The following POMGNT1 variants were observed in gnomAD, a reference collection of about 807,000 sequenced individuals.
POMGNT1 encodes the protein protein O-linked mannose N-acetylglucosaminyltransferase 1 (beta 1,2-), also known as protein O-linked-mannose beta-1,2-N-acetylglucosaminyltransferase 1.
POMGNT1 carries 67 observed loss-of-function variants against 95.6 expected under a neutral mutation model. That is an observed-to-expected ratio of 0.70 (90% CI 0.58 to 0.86). POMGNT1 has a LOEUF of 0.86. Ranked by LOEUF, POMGNT1 falls within the 40% of genes least tolerant of loss-of-function variation. The probability of loss-of-function intolerance (pLI) is 0.00; values close to 1 mark genes in which losing one functional copy is unlikely to be tolerated. For synonymous variants in POMGNT1, 298 were observed against 317.9 expected, an observed-to-expected ratio of 0.94 and a Z score of 0.66; for missense variants, 719 against 855.2, an observed-to-expected ratio of 0.84 and a Z score of 1.99.
At chr1:46,195,528 CT>C (rs1162953813) in intron 6 of POMGNT1, 18 of 481,358 alleles carry the variant, frequency 3.7e-5, no homozygotes, top group Non-Finnish European at 6.1e-5. Flanking sequence ...ATTTACTTGG[CT>C]GTTTCTGTTG....
intron 6 of POMGNT1, 126 bp from the exon 7 acceptor site, chr1:46,195,087 A>C: frequency 4.8e-6 from 4 of 830,794 alleles, no homozygotes; most frequent in Non-Finnish European, 8.3e-6. Context: ...ATAACCCTCT[A>C]TGGTTACTCT....
At chr1:46,207,267 G>A (rs1658745719) in intron 1 of POMGNT1, among the ~76,000 whole-genome samples, 1 of 152,026 alleles carries the variant, frequency 6.6e-6, no homozygotes, top group South Asian at 2.1e-4. Context: ...TTTTAGTAGA[G>A]ACGGGATTTT....
upstream of POMGNT1, among the ~76,000 whole-genome samples, chr1:46,202,209 G>GCAA (rs1351191727): frequency 6.6e-6 from 1 of 151,666 alleles, no homozygotes; most frequent in Non-Finnish European, 1.5e-5. Context: ...AAATCCTTCT[G>GCAA]CAACCATGGG....
At chr1:46,202,102 C>T (rs1381867630), upstream of POMGNT1, among the ~76,000 whole-genome samples, 1 of 144,986 alleles carries the variant, frequency 6.9e-6, no homozygotes, top group Non-Finnish European at 1.5e-5. Flanking sequence ...GGTATGAACA[C>T]CAAAAGAAAA....
upstream of POMGNT1, among the ~76,000 whole-genome samples, chr1:46,202,125 AGTT>A (rs1458248759): frequency 6.7e-6 from 1 of 150,336 alleles, no homozygotes; most frequent in Admixed American, 6.6e-5. Flanking sequence ...AAAAACTAAA[AGTT>A]ATTTTTTGCC....
rs193919336 is a variant in POMGNT1, at chr1:46,193,873, C to T, written c.932G>A (p.Arg311Gln). ...GGCTTACCTGTACAGGTAATTGGGT[C>T]GGTTCCCTGCAATGACAGCCACAGG... Reference protein sequence around the residue: ...NVPVAVIAGNRPNYLYRMLRS... With the variant: ...NVPVAVIAGNQPNYLYRMLRS... Residue 311 changes from arginine to glutamine, a missense_variant, in exon 10 of 22, where the codon CGA becomes CAA. Coordinates refer to ENST00000371984, the MANE Select transcript of POMGNT1 (RefSeq NM_017739.4). 4.2e-5 allele frequency: 68 copies of T among 1,613,964 alleles called. No individual in the cohort carries two copies. The highest frequency in any genetic ancestry group is 5.1e-5 in the Non-Finnish European group (60 of 1,180,008).
At chr1:46,219,588 T>G in intron 1 of POMGNT1, 1 of 1,197,278 alleles carries the variant, frequency 8.4e-7, no homozygotes, top group Non-Finnish European at 1.2e-6. Context: ...TATAATTCCA[T>G]CCGTCTTAAA....
chr1:46,219,209 C>T (rs1019652322), intron 1 of POMGNT1, among the ~76,000 whole-genome samples: 2 of 151,824 alleles, frequency 1.3e-5, no homozygotes, highest in Non-Finnish European at 2.9e-5. Context: ...GCAGGAGAAT[C>T]GCTTGAACCC....
At chr1:46,199,988 G>T (rs996547187), upstream of POMGNT1, among the ~76,000 whole-genome samples, 1 of 151,984 alleles carries the variant, frequency 6.6e-6, no homozygotes, top group Non-Finnish European at 1.5e-5. Flanking sequence ...TGCCCAACGC[G>T]GTGAAACCCC....
upstream of POMGNT1, among the ~76,000 whole-genome samples, chr1:46,202,920 GGTGTGTGT>G (rs10689850): frequency 1.6e-5 from 1 of 64,516 alleles, no homozygotes; most frequent in Non-Finnish European, 2.9e-5. Flanking sequence ...GGGGGGGGGT[GGTGTGTGT>G]GTGTGTGTGT....
chr1:46,192,728 CCATT>C, intron 14 of POMGNT1, 138 bp from the exon 15 acceptor site: 1 of 1,595,850 alleles, frequency 6.3e-7, no homozygotes, highest in Non-Finnish European at 8.5e-7. Context: ...CCCACTGTCT[CCATT>C]CATCCACTGT....
intron 1 of POMGNT1, among the ~76,000 whole-genome samples, chr1:46,216,969 T>G (rs1659089855): frequency 6.6e-6 from 1 of 152,254 alleles, no homozygotes; most frequent in Non-Finnish European, 1.5e-5. Context: ...AGGACATGAT[T>G]TCATTATATC....
intron 1 of POMGNT1, among the ~76,000 whole-genome samples, chr1:46,213,701 C>T (rs983736124): frequency 1.1e-4 from 16 of 152,186 alleles, no homozygotes; most frequent in African/African-American, 2.9e-4. Context: ...GCCTGGACAA[C>T]GTAGCGAGAC....
intron 11 of POMGNT1, 52 bp from the exon 12 acceptor site, chr1:46,193,440 C>T: frequency 6.2e-7 from 1 of 1,604,936 alleles, no homozygotes; most frequent in East Asian, 2.2e-5. Flanking sequence ...CCTCTGCCCA[C>T]CTCTGCAATC....
In POMGNT1 at chr1:46,214,501, A is replaced by T. The variant is rs769076008; in HGVS notation, c.-51+5204T>A. 2.6e-4 allele frequency among the ~76,000 whole-genome samples: 40 copies of T among 152,342 alleles called. 1 individual carries two copies. In the Middle Eastern group the frequency reaches 0.034, roughly 130 times the overall value. ...AAAACAAGAAGGTGTAAAAAGGTAA[A>T]CATTCAGAGAACTAGAAACAGCACT... On this transcript the variant is annotated intron_variant, in intron 1 of 22. Transcript: ENST00000371992.
chr1:46,209,456 C>A (rs1239166511), intron 1 of POMGNT1, among the ~76,000 whole-genome samples: 1 of 152,020 alleles, frequency 6.6e-6, no homozygotes, highest in East Asian at 1.9e-4. Context: ...ATTCTAAGAT[C>A]CCCTCCCTAA....
At position 46,189,229 on chromosome 1, in the gene POMGNT1, G is replaced by A; in HGVS notation, c.*41C>T. The A allele has an allele frequency of 6.3e-7, 1 of 1,595,210 alleles. No homozygotes were observed. The highest frequency in any genetic ancestry group is 8.5e-7 in the Non-Finnish European group (1 of 1,172,692). On this transcript the variant is annotated 3_prime_UTR_variant, in exon 22 of 22. Coordinates refer to ENST00000371984, the MANE Select transcript of POMGNT1 (RefSeq NM_017739.4). ...TGGAGGGAAGGGCTAGCCAGCCTGG[G>A]GGTACACAGTACCCAGCCCCGCAGG... is the stretch of plus-strand genomic sequence containing the variant.
In POMGNT1 at chr1:46,192,163, T is replaced by G. The variant is rs774272750; in HGVS notation, c.1474A>C (p.Ile492Leu). The change falls in exon 17 of 22, where the codon ATC (isoleucine) becomes CTC (leucine). Residue 492 changes from isoleucine to leucine, a missense_variant. This residue lies in a region of POMGNT1 where 118 missense variants were observed against 153.6 expected (regional missense o/e 0.77). Coordinates refer to ENST00000371984, the MANE Select transcript of POMGNT1 (RefSeq NM_017739.4). ...PEQRRGRECI[I>L]PDVSRSYHFG... ...TGGTAGGATCGGGAAACGTCAGGGA[T>G]GATGCACTCTCGGCCCCGGCGTTGT... 1.4e-5 allele frequency: 23 copies of G among 1,614,048 alleles called. No individual in the cohort carries two copies. The highest frequency in any genetic ancestry group is 1.9e-5 in the Non-Finnish European group (23 of 1,180,022).
chr1:46,207,084 A>ATTT lies in POMGNT1; in HGVS notation c.-50-9216_-50-9214dup, dbSNP rs56059506. Among the ~76,000 whole-genome samples, 80 of 143,986 alleles carry ATTT rather than the reference A, an allele frequency of 5.6e-4. 2 individuals carry two copies. The South Asian group carries it at 0.017, about 30-fold the overall frequency. The allele number at this position is 143,986 out of a possible 152,430, so 94.5% of individuals were successfully genotyped here. ...CCTCTTTGTCTGGCTGAGTCCTTCT[A>ATTT]TTTTTTTTTTTTTGACACAGGGTTT... is the stretch of plus-strand genomic sequence containing the variant. On this transcript the variant is annotated intron_variant, in intron 1 of 22. Transcript: ENST00000371992.
Sources: allele counts gnomAD v4.1 joint callset (sites outside exome capture counted in the v4.1 genomes callset), GRCh38; gene constraint gnomAD v4.1.1; regional missense constraint gnomAD v4.1.1; transcripts MANE v1.5; gene names NCBI Gene and HGNC (gene_info 2026-07-23, HGNC 2026-07-21).